CLIP1: variants seen among roughly 807,000 people sequenced by gnomAD.
The protein encoded by CLIP1 is CAP-Gly domain-containing linker protein 1.
In CLIP1, 66 loss-of-function variants were observed where a neutral mutation model predicts 161.6. The ratio of observed to expected loss-of-function variants is 0.41; its 90% CI spans 0.33 to 0.50. The LOEUF (loss-of-function observed/expected upper bound fraction) is 0.50, where lower values mean the gene tolerates loss of function less well. Ranked by LOEUF, CLIP1 falls within the 20% of genes least tolerant of loss-of-function variation. The pLI is 0.27. For missense variants in CLIP1, 1,376 were observed against 1,702.0 expected (o/e 0.81, Z 3.37); for synonymous variants, 598 against 626.2 (o/e 0.96, Z 0.67).
intron 1 of CLIP1, among the ~76,000 whole-genome samples, chr12:122,392,389 C>T (rs1234324152): frequency 6.6e-6 from 1 of 152,102 alleles, no homozygotes; most frequent in Non-Finnish European, 1.5e-5. Flanking sequence ...ATAAGCAATC[C>T]CCTATAACCT....
In CLIP1 at chr12:122,390,182, TATATATATATATATA is replaced by T. The variant is rs1185094406; in HGVS notation, c.-106-9639_-106-9625del. On this transcript the variant is annotated intron_variant, in intron 1 of 25. Transcript: ENST00000620786. ...AATTACACAGTCTCAGATATATATA[TATATATATATATATA>T]ATATATATATACACACATATATATA... Among the ~76,000 whole-genome samples the T allele has an allele frequency of 2.9e-4, 39 of 135,030 alleles. No homozygotes were observed. The East Asian group carries it at 7.9e-3, about 27-fold the overall frequency. 88.6% of individuals were successfully genotyped at this position (135,030 alleles called of 152,430 possible).
intron 3 of CLIP1, among the ~76,000 whole-genome samples, chr12:122,373,423 C>CAA (rs200479478): frequency 8.8e-6 from 1 of 114,030 alleles, no homozygotes; most frequent in South Asian, 2.7e-4. Flanking sequence ...GACTCTGTCT[C>CAA]AAAAAAAAGA....
At chr12:122,382,536 AAAG>A (rs1955056354) in intron 1 of CLIP1, among the ~76,000 whole-genome samples, 1 of 151,564 alleles carries the variant, frequency 6.6e-6, no homozygotes, top group African/African-American at 2.4e-5. Flanking sequence ...GAACACATAG[AAAG>A]AAGGCCACGT....
At position 122,414,835 on chromosome 12, in the gene CLIP1, T is replaced by C. The variant is rs540396048; in HGVS notation, c.-107+7686A>G. ...AGTGCATTGTAACTCAAATGCCAAC[T>C]TAAAGCATACGGATTCTTTGAGTTC... On this transcript the variant is annotated intron_variant, in intron 1 of 25. Transcript: ENST00000620786. 2.5e-4 allele frequency among the ~76,000 whole-genome samples: 38 copies of C among 152,202 alleles called. No individual in the cohort carries two copies. The South Asian group carries it at 7.0e-3, about 28-fold the overall frequency.
At chr12:122,394,175 C>T (rs935067602) in intron 1 of CLIP1, among the ~76,000 whole-genome samples, 15 of 151,962 alleles carry the variant, frequency 9.9e-5, no homozygotes, top group Non-Finnish European at 1.5e-4. Context: ...CCATTGTTTA[C>T]GTACTGCATT....
intron 1 of CLIP1, among the ~76,000 whole-genome samples, chr12:122,382,215 G>A (rs1955036735): frequency 6.6e-6 from 1 of 152,066 alleles, no homozygotes; most frequent in African/African-American, 2.4e-5. Flanking sequence ...TATAAAATTA[G>A]CCGGGCATGG....
At chr12:122,407,947 T>C (rs1956390963) in intron 1 of CLIP1, among the ~76,000 whole-genome samples, 1 of 151,672 alleles carries the variant, frequency 6.6e-6, no homozygotes, top group Non-Finnish European at 1.5e-5. Context: ...CATATTGGAT[T>C]GGGTTTTTTT....
At chr12:122,364,405 C>T (rs1050870714) in intron 3 of CLIP1, among the ~76,000 whole-genome samples, 1 of 137,914 alleles carries the variant, frequency 7.3e-6, no homozygotes, top group Non-Finnish European at 1.6e-5. Context: ...TTAGAAAATA[C>T]TTTTTTTTTT....
chr12:122,363,854 G>C (rs2136618830), intron 4 of CLIP1, 129 bp downstream of exon 4: 1 of 1,273,572 alleles, frequency 7.9e-7, no homozygotes, highest in South Asian at 1.4e-5. Context: ...TTAGCAGATG[G>C]GTCTTAGGAA....
intron 17 of CLIP1, chr12:122,322,303 G>C (rs1951538045): frequency 6.6e-6 from 1 of 152,582 alleles, no homozygotes; most frequent in Non-Finnish European, 1.5e-5. Context: ...TCTCCTTCAG[G>C]AGCTCATCCT....
At chr12:122,321,465 C>T (rs1232397120) in intron 17 of CLIP1, among the ~76,000 whole-genome samples, 9 of 151,888 alleles carry the variant, frequency 5.9e-5, no homozygotes, top group African/African-American at 2.2e-4. Flanking sequence ...AGGCTGGTCT[C>T]GAACTCCTGA....
chr12:122,342,876 T>C (rs1284460142), intron 10 of CLIP1: 1 of 151,024 alleles, frequency 6.6e-6, no homozygotes, highest in African/African-American at 2.4e-5. Context: ...GTTTAAAATA[T>C]CTTAATAATT....
At chr12:122,393,456 C>T (rs910907560) in intron 1 of CLIP1, among the ~76,000 whole-genome samples, 27 of 152,264 alleles carry the variant, frequency 1.8e-4, no homozygotes, top group Admixed American at 3.3e-4. Flanking sequence ...GCCACCATGC[C>T]CAGCCAGACT....
At chr12:122,325,127 T>C (rs1951661677) in intron 17 of CLIP1, among the ~76,000 whole-genome samples, 1 of 151,240 alleles carries the variant, frequency 6.6e-6, no homozygotes. Flanking sequence ...GGTGCGATCT[T>C]GGCTCACTGC....
chr12:122,354,710 C>T (rs754669476), intron 6 of CLIP1, 154 bp from the exon 7 acceptor site: 12 of 606,712 alleles, frequency 2.0e-5, no homozygotes, highest in Non-Finnish European at 3.6e-5. Flanking sequence ...AGGTTATTCT[C>T]AACAGCTTTC....
rs746134099 is a variant in CLIP1, at chr12:122,351,131, T to C, written c.1381A>G (p.Ile461Val). Reference sequence around the variant, plus strand: ...CTTACATTCTCAGGATCTTCAGAAATCTGGCTCTTTTGCTATCAGTAAAAA... The same window carrying C: ...CTTACATTCTCAGGATCTTCAGAAACCTGGCTCTTTTGCTATCAGTAAAAA... Reference protein sequence around the residue: ...TKGDLEQKSQISEDPENTQTK... With the variant: ...TKGDLEQKSQVSEDPENTQTK... Residue 461 changes from isoleucine to valine, a missense_variant, in exon 9 of 26, where the codon ATT (isoleucine) becomes GTT (valine). Ile to Val is a conservative substitution (Grantham distance 29). Around this residue, in one of 6 missense-constraint regions of CLIP1, gnomAD observed 948 missense variants for 1,134.8 expected, o/e 0.84. Coordinates refer to ENST00000620786, the MANE Select transcript of CLIP1 (RefSeq NM_001247997.2). 41 of 1,516,578 alleles carry C rather than the reference T, an allele frequency of 2.7e-5. No homozygotes were observed. Among genetic ancestry groups the C allele is most frequent in the African/African-American group, 1.7e-4 (12 of 71,948 alleles). The allele number at this position is 1,516,578 out of a possible 1,614,324, so 93.9% of individuals were successfully genotyped here.
chr12:122,350,642 G>C (rs1029242970), intron 9 of CLIP1, among the ~76,000 whole-genome samples: 3 of 151,488 alleles, frequency 2.0e-5, no homozygotes, highest in African/African-American at 7.3e-5. Flanking sequence ...AGTCAGCTCC[G>C]GGACAGCAGC....
At position 122,316,854 on chromosome 12, in the gene CLIP1, A is replaced by G; in HGVS notation, c.3368T>C (p.Leu1123Ser). 2 of 1,525,048 alleles carry G rather than the reference A, an allele frequency of 1.3e-6. No homozygotes were observed. The highest frequency in any genetic ancestry group is 1.8e-6 in the Non-Finnish European group (2 of 1,131,186). The allele number at this position is 1,525,048 out of a possible 1,614,324, so 94.5% of individuals were successfully genotyped here. Residue 1123 changes from leucine to serine, a missense_variant and splice_region_variant, in exon 19 of 26, where the codon TTG (leucine) becomes TCG (serine). Transcript: ENST00000620786. The stretch of plus-strand genomic sequence containing the variant: ...CAAGTTGTTTTCTTTAAGTGTGTCC[A>G]ACTTAAAGACCAAGAGAAAAAAACT... ...KQTNAKLQNE[L>S]DTLKENNLKN...
intron 17 of CLIP1, chr12:122,322,446 C>A (rs1951546630): frequency 6.6e-6 from 1 of 152,658 alleles, no homozygotes; most frequent in South Asian, 2.1e-4. Context: ...CTGTGCAGTT[C>A]CTGCAGCTCT....
Sources: allele counts gnomAD v4.1 joint callset (sites outside exome capture counted in the v4.1 genomes callset), GRCh38; gene constraint gnomAD v4.1.1; regional missense constraint gnomAD v4.1.1; transcripts MANE v1.5; gene names NCBI Gene and HGNC (gene_info 2026-07-23, HGNC 2026-07-21).